The following ARHGEF6 variants were observed in gnomAD, a reference collection of about 807,000 sequenced individuals.
ARHGEF6 encodes the protein rho guanine nucleotide exchange factor 6.
In ARHGEF6, 9 loss-of-function variants were observed where a neutral mutation model predicts 70.3. The ratio of observed to expected loss-of-function variants is 0.13; its 90% CI spans 0.08 to 0.22. The LOEUF is 0.22. Ranked by LOEUF, ARHGEF6 falls within the 10% of genes least tolerant of loss-of-function variation. The pLI is 1.00. For missense variants in ARHGEF6, 470 were observed against 563.0 expected, an observed-to-expected ratio of 0.83 and a Z score of 1.67; for synonymous variants, 201 against 207.8, an observed-to-expected ratio of 0.97 and a Z score of 0.28.
chrX:136,742,272 T>C (rs914622628), intron 5 of ARHGEF6, among the ~76,000 whole-genome samples: 40 of 111,449 alleles, frequency 3.6e-4, no homozygotes, highest in Admixed American at 2.0e-3. Context: ...CAAGCCGAGA[T>C]TGCGCCACTG....
chrX:136,743,959 A>G (rs1369623951), intron 4 of ARHGEF6, among the ~76,000 whole-genome samples, 173 bp from the exon 5 acceptor site: 1 of 111,888 alleles, frequency 8.9e-6, no homozygotes, highest in African/African-American at 3.3e-5. Flanking sequence ...GGATTAATAA[A>G]TCCCTCAAAA....
intron 9 of ARHGEF6, among the ~76,000 whole-genome samples, chrX:136,697,630 C>T (rs757591547): frequency 4.4e-5 from 5 of 112,458 alleles, no homozygotes; most frequent in Non-Finnish European, 9.4e-5. Context: ...AGAGTGACTG[C>T]ATGCCTGACC....
At chrX:136,729,000 T>TTC (rs746818580) in intron 6 of ARHGEF6, among the ~76,000 whole-genome samples, 341 of 16,074 alleles carry the variant, frequency 0.021, 14 homozygotes, top group Non-Finnish European at 0.026. Flanking sequence ...TCCTTATTCA[T>TTC]TCTCTCTCTC....
chrX:136,762,539 T>C (rs2077273746), intron 2 of ARHGEF6, among the ~76,000 whole-genome samples: 1 of 111,173 alleles, frequency 9.0e-6, no homozygotes, highest in African/African-American at 3.3e-5. Flanking sequence ...TCGTCCAGGC[T>C]CCAGTGCAGT....
intron 9 of ARHGEF6, among the ~76,000 whole-genome samples, chrX:136,699,779 T>C (rs2076547716): frequency 9.0e-6 from 1 of 111,501 alleles, no homozygotes; most frequent in Admixed American, 9.5e-5. Context: ...GGCAATGCTT[T>C]TGTGGGTTTG....
At chrX:136,669,421 C>T (rs1453404266) in intron 21 of ARHGEF6, 61 bp downstream of exon 21, 23 of 1,068,955 alleles carry the variant, frequency 2.2e-5, no homozygotes, top group South Asian at 2.1e-4. Flanking sequence ...GCATGAGCAG[C>T]GTGAGGCAAG....
At chrX:136,768,052 T>C (rs778785077) in intron 2 of ARHGEF6, among the ~76,000 whole-genome samples, 2 of 111,254 alleles carry the variant, frequency 1.8e-5, no homozygotes, top group South Asian at 7.6e-4. Flanking sequence ...GGTGGCCTGC[T>C]TCCTCCCTCA....
At chrX:136,772,837 T>G (rs2077373401) in intron 2 of ARHGEF6, among the ~76,000 whole-genome samples, 1 of 112,098 alleles carries the variant, frequency 8.9e-6, no homozygotes, top group African/African-American at 3.2e-5. Context: ...CACTCCAGCC[T>G]GGGAGACAGA....
chrX:136,712,141 C>T (rs2148621563), intron 7 of ARHGEF6, among the ~76,000 whole-genome samples: 1 of 111,479 alleles, frequency 9.0e-6, no homozygotes, highest in South Asian at 3.8e-4. Context: ...TGGAGTCTTG[C>T]TCTGTCTCCC....
At chrX:136,729,635 G>T (rs2148644916) in intron 6 of ARHGEF6, among the ~76,000 whole-genome samples, 1 of 108,652 alleles carries the variant, frequency 9.2e-6, no homozygotes, top group South Asian at 4.1e-4. Flanking sequence ...TTCGAGACCA[G>T]CCTGGCCAAT....
At chrX:136,775,054 G>A (rs1244684446) in intron 2 of ARHGEF6, among the ~76,000 whole-genome samples, 2 of 111,323 alleles carry the variant, frequency 1.8e-5, no homozygotes, top group East Asian at 2.8e-4. Context: ...ACTACATTCC[G>A]GGCACTCTTC....
At chrX:136,670,747 C>T (rs1808609430) in intron 20 of ARHGEF6, among the ~76,000 whole-genome samples, 1 of 112,078 alleles carries the variant, frequency 8.9e-6, no homozygotes, top group Admixed American at 9.4e-5. Flanking sequence ...TGTGCTATGA[C>T]ATTGCCCTTC....
chrX:136,717,531 A>G (rs1361322723), intron 6 of ARHGEF6, among the ~76,000 whole-genome samples: 1 of 112,221 alleles, frequency 8.9e-6, no homozygotes, highest in Non-Finnish European at 1.9e-5. Flanking sequence ...TGAAGAAGGA[A>G]AGAATATTAG....
At chrX:136,726,110 A>G (rs1156388280) in intron 6 of ARHGEF6, among the ~76,000 whole-genome samples, 2 of 112,336 alleles carry the variant, frequency 1.8e-5, no homozygotes, top group Non-Finnish European at 3.8e-5. Context: ...ATATTACATT[A>G]TAGGAATTCT....
chrX:136,727,377 CTT>C (rs1569410942), intron 6 of ARHGEF6, among the ~76,000 whole-genome samples: 4 of 70,059 alleles, frequency 5.7e-5, no homozygotes, highest in African/African-American at 1.8e-4. Context: ...TTCTTTCTTT[CTT>C]TCTTTCTTTC....
chrX:136,740,985 C>T (rs1355994847), intron 5 of ARHGEF6, among the ~76,000 whole-genome samples: 2 of 112,179 alleles, frequency 1.8e-5, no homozygotes, highest in Non-Finnish European at 3.8e-5. Context: ...TGTGGAAATA[C>T]TCCAGGGCTC....
intron 12 of ARHGEF6, among the ~76,000 whole-genome samples, chrX:136,683,981 T>TTATGCA (rs2076359224): frequency 1.8e-5 from 2 of 112,212 alleles, no homozygotes; most frequent in Non-Finnish European, 3.8e-5. Context: ...ATGTGGCCCT[T>TTATGCA]TATGCATAAT....
intron 3 of ARHGEF6, among the ~76,000 whole-genome samples, chrX:136,746,648 C>A (rs918891197): frequency 8.9e-6 from 1 of 111,894 alleles, no homozygotes; most frequent in Admixed American, 9.5e-5. Flanking sequence ...CTTGACTCTA[C>A]AACAGTTTGA....
At chrX:136,715,078 GC>G (rs1421314347) in intron 6 of ARHGEF6, among the ~76,000 whole-genome samples, 1 of 111,433 alleles carries the variant, frequency 9.0e-6, no homozygotes, top group East Asian at 2.8e-4. Flanking sequence ...ACACAGGATG[GC>G]TTCAAAAGCT....
Sources: allele counts gnomAD v4.1 joint callset (sites outside exome capture counted in the v4.1 genomes callset), GRCh38; gene constraint gnomAD v4.1.1; transcripts MANE v1.5; gene names NCBI Gene and HGNC (gene_info 2026-07-23, HGNC 2026-07-21).